The following PSG2 variants were observed in gnomAD, a reference collection of about 807,000 sequenced individuals.
The protein encoded by PSG2 is pregnancy-specific beta-1-glycoprotein 2.
In PSG2, 49 loss-of-function variants were observed where a neutral mutation model predicts 36.2. The observed-to-expected ratio is 1.35, with a 90% CI of 1.08 to 1.72. The LOEUF is 1.72. Among genes scored for constraint, PSG2 ranks in the 40% most tolerant of loss-of-function variants. PSG2 has a pLI of 0.00. For missense variants in PSG2, 605 were observed against 407.2 expected (o/e 1.49, Z -4.18); for synonymous variants, 261 against 155.6 (o/e 1.68, Z -5.04).
chr19:43,067,164 T>A (rs926883972), intron 4 of PSG2, among the ~76,000 whole-genome samples: 1 of 151,534 alleles, frequency 6.6e-6, no homozygotes, highest in Non-Finnish European at 1.5e-5. Flanking sequence ...CAAAAACTCT[T>A]AGAACTGCAT....
rs1357576854 is a variant in PSG2 at position 43,082,632 on chromosome 19, G to A, written c.-63C>T. The A allele has an allele frequency of 1.6e-5, 26 of 1,592,308 alleles. No homozygotes were observed. The highest frequency in any genetic ancestry group is 2.1e-5 in the Non-Finnish European group (24 of 1,164,422). On this transcript the variant is annotated 5_prime_UTR_variant, in exon 1 of 6. Transcript: ENST00000406487. ...AGCCTAGGATCCAGAAACTTCCTGA[G>A]CACGGCTGTCAGCTGTGCTGTCCTT...
In PSG2 at chr19:43,071,711, A is replaced by G; in HGVS notation, c.953T>C (p.Val318Ala). The G allele has an allele frequency of 6.2e-7, 1 of 1,612,978 alleles. No homozygotes were observed. Among genetic ancestry groups the G allele is most frequent in the Non-Finnish European group, 8.5e-7 (1 of 1,179,474 alleles). Residue 318 changes from valine to alanine, a missense_variant, in exon 4 of 6, where the codon GTC becomes GCC. By Grantham distance (64) the Val-to-Ala change is moderately conservative (BLOSUM62 0). Transcript: ENST00000406487. ...TGGGATCCACTTACCAGAGACTTTG[A>G]CTGTCAACGATGTGGAGCTTTCCTC... ...TGEESSTSLT[V>A]KVSASTRIGL...
intron 3 of PSG2, among the ~76,000 whole-genome samples, 168 bp downstream of exon 3, chr19:43,075,186 C>A (rs1403662167): frequency 1.3e-5 from 2 of 151,750 alleles, no homozygotes; most frequent in South Asian, 4.1e-4. Context: ...TATTGTGGAT[C>A]AAGCCTAGGC....
At position 43,075,455 on chromosome 19, in the gene PSG2, A is replaced by T. The variant is rs1967880378; in HGVS notation, c.608T>A (p.Phe203Tyr). 6.2e-7 allele frequency: 1 copy of T among 1,613,118 alleles called. No individual in the cohort carries two copies. Among genetic ancestry groups the T allele is most frequent in the South Asian group, 1.1e-5 (1 of 91,044 alleles). Residue 203 changes from phenylalanine (F) to tyrosine (Y), a missense_variant, in exon 3 of 6, where the codon TTT (phenylalanine) becomes TAT (tyrosine). Phe to Tyr is a conservative substitution (Grantham distance 22, BLOSUM62 3). Coordinates refer to ENST00000406487, the MANE Select transcript of PSG2 (RefSeq NM_031246.4). ...FQLSETNRTLFLFGVTKYTAG... is the reference protein window; with the variant it reads ...FQLSETNRTLYLFGVTKYTAG... ...AGTATACTTTGTGACACCAAATAGA[A>T]AGAGGGTCCTGTTGGTTTCGGACAG...
intron 1 of PSG2, among the ~76,000 whole-genome samples, 175 bp from the exon 2 acceptor site, chr19:43,081,421 T>C (rs532221717): frequency 7.3e-5 from 11 of 151,244 alleles, no homozygotes; most frequent in African/African-American, 2.7e-4. Context: ...TGTGTTTGTA[T>C]GTGTGTATGT....
At chr19:43,065,125 G>A (rs552424275) in intron 5 of PSG2, among the ~76,000 whole-genome samples, 10 of 151,856 alleles carry the variant, frequency 6.6e-5, no homozygotes, top group East Asian at 5.8e-4. Flanking sequence ...GTGAGCCATC[G>A]CGCTCAGCCT....
At chr19:43,080,699 A>G (rs7247961) in intron 2 of PSG2, among the ~76,000 whole-genome samples, 182 bp downstream of exon 2, 24,889 of 151,432 alleles carry the variant, frequency 0.16, 2,629 homozygotes, top group East Asian at 0.49. Flanking sequence ...GATGCGGGAA[A>G]GGAATTCTGA....
chr19:43,080,878 T>G lies in PSG2; in HGVS notation c.430+3A>C, dbSNP rs537110486. 1.2e-6 allele frequency: 2 copies of G among 1,612,034 alleles called. No individual in the cohort carries two copies. Among genetic ancestry groups the G allele is most frequent in the Non-Finnish European group, 8.5e-7 (1 of 1,179,090 alleles). On this transcript the variant is annotated splice_donor_region_variant and intron_variant, in intron 2 of 5. Coordinates refer to ENST00000406487, the MANE Select transcript of PSG2 (RefSeq NM_031246.4). The stretch of plus-strand genomic sequence containing the variant: ...CACCCAGGGATCATGTGGAATCACT[T>G]ACGGTATAAGGTGAAGGTGAAATAT...
intron 2 of PSG2, among the ~76,000 whole-genome samples, chr19:43,079,939 C>T (rs1471297012): frequency 6.6e-6 from 1 of 151,716 alleles, no homozygotes; most frequent in East Asian, 1.9e-4. Flanking sequence ...GGTTCAGTGA[C>T]TGTGCCTTCC....
rs1212556035 is a variant in PSG2 at position 43,071,633 on chromosome 19, C to T, written c.964+67G>A. 5 of 1,612,144 alleles carry T rather than the reference C, an allele frequency of 3.1e-6. No individual in the cohort carries two copies. In the East Asian group the frequency reaches 8.9e-5, roughly 29 times the overall value. On this transcript the variant is annotated intron_variant, in intron 4 of 5. Coordinates refer to ENST00000406487, the MANE Select transcript of PSG2 (RefSeq NM_031246.4). The stretch of plus-strand genomic sequence containing the variant: ...GCTGGGAATAAAAATGTTTTCCTGA[C>T]TCTTCTCTGAAAGCCAGATAGACTC...
At chr19:43,076,822 T>G (rs542259821) in intron 2 of PSG2, among the ~76,000 whole-genome samples, 10 of 133,006 alleles carry the variant, frequency 7.5e-5, no homozygotes, top group African/African-American at 3.6e-4. Context: ...GTTTTGGATT[T>G]CTAATTTTTT....
intron 2 of PSG2, among the ~76,000 whole-genome samples, chr19:43,080,400 C>A (rs1967954110): frequency 6.6e-6 from 1 of 151,740 alleles, no homozygotes; most frequent in African/African-American, 2.4e-5. Flanking sequence ...AATCCTTGGT[C>A]CCAGTAAGCC....
At chr19:43,068,983 C>A (rs1007239571) in intron 4 of PSG2, among the ~76,000 whole-genome samples, 1 of 151,480 alleles carries the variant, frequency 6.6e-6, no homozygotes, top group African/African-American at 2.4e-5. Context: ...TGGAACAAAC[C>A]TATTAGAATT....
intron 2 of PSG2, among the ~76,000 whole-genome samples, chr19:43,076,839 G>T (rs1023884657): frequency 7.3e-5 from 11 of 151,248 alleles, no homozygotes; most frequent in Admixed American, 7.2e-4. Context: ...TTTTTATTTT[G>T]GAATATTTGC....
intron 2 of PSG2, among the ~76,000 whole-genome samples, chr19:43,079,918 G>A: frequency 6.6e-6 from 1 of 151,652 alleles, no homozygotes; most frequent in East Asian, 1.9e-4. Flanking sequence ...CCTTTGTGTT[G>A]GTGTGACTCT....
At chr19:43,081,278 G>A (rs779709436) in intron 1 of PSG2, 32 bp from the exon 2 acceptor site, 1 of 1,598,488 alleles carries the variant, frequency 6.3e-7, no homozygotes, top group Non-Finnish European at 8.5e-7. Context: ...AGACAATATT[G>A]AGACCTATGT....
In PSG2 at chr19:43,071,919, T is replaced by C. The variant is rs199815097; in HGVS notation, c.745A>G (p.Thr249Ala). The part of the protein sequence containing the change: ...PDLPRIHPSY[T>A]NYRSGDNLYL... ...AGGTTATCTCCTGAACGGTAATTGGTGTATGAAGGGTGAATTCTGGGGAGG... is the reference window on the plus strand; with the variant it reads ...AGGTTATCTCCTGAACGGTAATTGGCGTATGAAGGGTGAATTCTGGGGAGG... Residue 249 changes from threonine to alanine, a missense_variant, in exon 4 of 6, where the codon ACC becomes GCC. Thr to Ala is a moderately conservative substitution (Grantham distance 58). Transcript: ENST00000406487. The C allele has an allele frequency of 6.2e-7, 1 of 1,612,450 alleles. No homozygotes were observed. The highest frequency in any genetic ancestry group is 8.5e-7 in the Non-Finnish European group (1 of 1,179,330).
intron 4 of PSG2, among the ~76,000 whole-genome samples, chr19:43,069,231 G>A (rs998650672): frequency 6.6e-6 from 1 of 151,184 alleles, no homozygotes; most frequent in African/African-American, 2.4e-5. Flanking sequence ...TAAATTGAAG[G>A]ACATTTTGTT....
intron 4 of PSG2, among the ~76,000 whole-genome samples, chr19:43,070,292 G>A (rs552027784): frequency 6.6e-6 from 1 of 151,760 alleles, no homozygotes; most frequent in East Asian, 1.9e-4. Context: ...TTGGTGTGCT[G>A]TTTCTCAAAA....
Sources: gnomAD v4.1 joint callset for allele counts (sites outside exome capture counted in the v4.1 genomes callset) on GRCh38, gnomAD v4.1.1 for gene constraint, MANE v1.5 for transcripts, NCBI Gene and HGNC (gene_info 2026-07-23, HGNC 2026-07-21) for gene names.